The following GATA4 variants were observed in gnomAD, a reference collection of about 807,000 sequenced individuals.
GATA4 encodes the protein GATA binding protein 4, also known as transcription factor GATA-4.
Under a neutral mutation model 37.9 loss-of-function variants are expected in GATA4, and 7 were observed. That is an observed-to-expected ratio of 0.18 (90% CI 0.11 to 0.35). The LOEUF is 0.35. Among genes scored for constraint, GATA4 ranks in the 10% least tolerant of loss-of-function variants. The pLI is 1.00. For synonymous variants in GATA4, 372 were observed against 292.6 expected (o/e 1.27, Z -2.77); for missense variants, 647 against 653.0 (o/e 0.99, Z 0.10).
intron 2 of GATA4, among the ~76,000 whole-genome samples, chr8:11,711,723 G>C (rs547249476): frequency 3.7e-5 from 5 of 135,856 alleles, no homozygotes; most frequent in East Asian, 4.5e-4. Context: ...ACTCCAGCCT[G>C]GGTGACAGAG....
At chr8:11,725,411 A>T (rs1800871197) in intron 2 of GATA4, among the ~76,000 whole-genome samples, 1 of 152,224 alleles carries the variant, frequency 6.6e-6, no homozygotes, top group African/African-American at 2.4e-5. Context: ...GGGGAATCTG[A>T]TTCCGTACTG....
chr8:11,719,288 A>T (rs1270635170), intron 2 of GATA4, among the ~76,000 whole-genome samples: 2 of 152,076 alleles, frequency 1.3e-5, no homozygotes, highest in African/African-American at 4.8e-5. Flanking sequence ...GACAGGCAAT[A>T]ATACAGGTTG....
At chr8:11,731,168 C>T (rs1037252267) in intron 2 of GATA4, among the ~76,000 whole-genome samples, 1 of 152,220 alleles carries the variant, frequency 6.6e-6, no homozygotes, top group African/African-American at 2.4e-5. Context: ...CTTATGAAGA[C>T]CCGGTTTTGA....
chr8:11,688,284 A>G (rs1799203438), upstream of GATA4, among the ~76,000 whole-genome samples: 1 of 152,180 alleles, frequency 6.6e-6, no homozygotes, highest in African/African-American at 2.4e-5. Flanking sequence ...AAAGAATAAT[A>G]CTTGGGAACA....
At chr8:11,699,948 C>T (rs186775240), upstream of GATA4, among the ~76,000 whole-genome samples, 6 of 152,178 alleles carry the variant, frequency 3.9e-5, no homozygotes, top group East Asian at 1.2e-3. Flanking sequence ...GGTAGAAAGT[C>T]GATATTAAAT....
intron 1 of GATA4, among the ~76,000 whole-genome samples, chr8:11,697,266 C>T (rs1309590549): frequency 1.3e-5 from 2 of 152,184 alleles, no homozygotes; most frequent in African/African-American, 4.8e-5. Flanking sequence ...ACAGGACTAA[C>T]GAGGGGGATG....
chr8:11,692,470 G>T (rs1012849441), upstream of GATA4: 1 of 951,634 alleles, frequency 1.1e-6, no homozygotes, highest in Non-Finnish European at 1.3e-6. Flanking sequence ...AATATTGACC[G>T]GTGTCCTGAA....
upstream of GATA4, among the ~76,000 whole-genome samples, chr8:11,699,615 C>T (rs1799606697): frequency 6.6e-6 from 1 of 152,258 alleles, no homozygotes; most frequent in Admixed American, 6.5e-5. Flanking sequence ...CCTGCGTGGC[C>T]ACTGCGCCTC....
chr8:11,709,485 A>G lies in GATA4; in HGVS notation c.616+557A>G, dbSNP rs566381205. On this transcript the variant is annotated intron_variant, in intron 2 of 6. Transcript: ENST00000532059. This position sits in a 1 kb window ranked among gnomAD's most constrained non-coding sequence, Gnocchi z 4.3. ...CACACCGAGAACAAAGGAGGGATGG[A>G]CAAAGGAGACGCCGGGGAGATGCGC... Among the ~76,000 whole-genome samples the G allele has an allele frequency of 6.0e-4, 91 of 150,572 alleles. No individual in the cohort carries two copies. The highest frequency in any genetic ancestry group is 1.1e-3 in the Non-Finnish European group (74 of 67,778).
chr8:11,698,009 C>G (rs1415576670), intron 1 of GATA4: 2 of 985,328 alleles, frequency 2.0e-6, no homozygotes, highest in African/African-American at 3.5e-5. Context: ...GGGAGCTGGG[C>G]AAGAGGAGCC....
At chr8:11,750,533 C>G (rs948039180) in intron 4 of GATA4, among the ~76,000 whole-genome samples, 1 of 152,134 alleles carries the variant, frequency 6.6e-6, no homozygotes, top group Admixed American at 6.5e-5. Context: ...ACAAAATTGG[C>G]TGTTCATTTG....
intron 5 of GATA4, chr8:11,756,488 C>T (rs966401820): frequency 5.4e-5 from 12 of 221,662 alleles, no homozygotes; most frequent in Admixed American, 2.1e-4. Context: ...AAGCAAGATT[C>T]GGCAGCAAAA....
At chr8:11,716,951 C>T (rs570984782) in intron 2 of GATA4, among the ~76,000 whole-genome samples, 8 of 152,214 alleles carry the variant, frequency 5.3e-5, no homozygotes, top group Admixed American at 3.9e-4. Context: ...TTCTTGCCAA[C>T]GCGAGCTGCT....
At chr8:11,719,388 G>C (rs1962129) in intron 2 of GATA4, among the ~76,000 whole-genome samples, 1 of 152,132 alleles carries the variant, frequency 6.6e-6, no homozygotes, top group Non-Finnish European at 1.5e-5. Flanking sequence ...CCGAAATAAA[G>C]AATGTAGTTC....
chr8:11,691,875 C>A (rs1043485402), upstream of GATA4: 24 of 245,340 alleles, frequency 9.8e-5, no homozygotes, highest in African/African-American at 5.4e-4. Context: ...AATTTAGGAC[C>A]TTTCCCAGTC....
chr8:11,712,839 G>T (rs1800257382), intron 2 of GATA4, among the ~76,000 whole-genome samples: 1 of 152,066 alleles, frequency 6.6e-6, no homozygotes, highest in Non-Finnish European at 1.5e-5. Context: ...CCTACCTGGA[G>T]AACAGAGCAA....
upstream of GATA4, chr8:11,700,706 T>C (rs569580035): frequency 6.6e-6 from 1 of 152,292 alleles, no homozygotes; most frequent in African/African-American, 2.4e-5. Context: ...ACCTTGAATG[T>C]CTGTCCGGAT....
chr8:11,719,420 G>C (rs1360022593), intron 2 of GATA4, among the ~76,000 whole-genome samples: 1 of 152,016 alleles, frequency 6.6e-6, no homozygotes, highest in Non-Finnish European at 1.5e-5. Flanking sequence ...ACAGATGTAG[G>C]AAAATACTGC....
intron 2 of GATA4, among the ~76,000 whole-genome samples, chr8:11,740,135 G>A (rs1219781668): frequency 6.6e-6 from 1 of 152,206 alleles, no homozygotes; most frequent in Non-Finnish European, 1.5e-5. Flanking sequence ...AGCCCCAGGA[G>A]CTGCAGGACC....
Sources: allele counts gnomAD v4.1 joint callset (sites outside exome capture counted in the v4.1 genomes callset), GRCh38; gene constraint gnomAD v4.1.1; non-coding constraint Gnocchi (gnomAD v3.1); transcripts MANE v1.5; gene names NCBI Gene and HGNC (gene_info 2026-07-23, HGNC 2026-07-21).